COLGALT2: variants seen among roughly 807,000 people sequenced by gnomAD.
COLGALT2 encodes collagen beta(1-O)galactosyltransferase 2, also known as procollagen galactosyltransferase 2.
In COLGALT2, 49 loss-of-function variants were observed where a neutral mutation model predicts 73.4. The ratio of observed to expected loss-of-function variants is 0.67; its 90% CI spans 0.53 to 0.85. COLGALT2 has a LOEUF of 0.85. COLGALT2 is among the 40% of genes least tolerant of loss of function. COLGALT2 has a pLI of 0.00. For missense variants in COLGALT2, 722 were observed against 790.2 expected, an observed-to-expected ratio of 0.91 and a Z score of 1.03; for synonymous variants, 295 against 307.6, an observed-to-expected ratio of 0.96 and a Z score of 0.43.
intron 1 of COLGALT2, among the ~76,000 whole-genome samples, chr1:184,033,416 T>C (rs556222039): frequency 6.6e-6 from 1 of 152,348 alleles, no homozygotes; most frequent in East Asian, 1.9e-4. Context: ...TAGTGCAGGT[T>C]TTAGGACACA....
At chr1:183,947,614 T>C (rs1045563354) in intron 8 of COLGALT2, among the ~76,000 whole-genome samples, 3 of 152,154 alleles carry the variant, frequency 2.0e-5, no homozygotes, top group East Asian at 1.9e-4. Context: ...CTTGGAGATA[T>C]AGTTACAGCT....
At chr1:183,969,710 A>T (rs1004632557) in intron 4 of COLGALT2, among the ~76,000 whole-genome samples, 11 of 152,246 alleles carry the variant, frequency 7.2e-5, no homozygotes, top group Admixed American at 7.2e-4. Flanking sequence ...TTATTTCAGC[A>T]TATCTCTAGA....
Position 183,969,415 on chromosome 1 carries a change from C to T in COLGALT2, c.686G>A (p.Cys229Tyr). The T allele has an allele frequency of 1.2e-6, 2 of 1,613,772 alleles. No individual in the cohort carries two copies. Among genetic ancestry groups the T allele is most frequent in the South Asian group, 2.2e-5 (2 of 91,016 alleles). ...GGAGTGGACCATGGGGACGGGGAAG[C>T]AGCCTGTCCTCTTCCATTCTCGAAT... ...VQIREWKRTG[C>Y]FPVPMVHSTF... Residue 229 changes from cysteine to tyrosine, a missense_variant, in exon 5 of 12, where the codon TGC (cysteine) becomes TAC (tyrosine). By Grantham distance (194) the Cys-to-Tyr change is radical. Transcript: ENST00000361927.
chr1:183,983,235 C>A (rs1671399251), intron 1 of COLGALT2, among the ~76,000 whole-genome samples: 1 of 152,148 alleles, frequency 6.6e-6, no homozygotes, highest in Admixed American at 6.5e-5. Context: ...CTTTGAAGTG[C>A]AGGGCCAATC....
In COLGALT2 at chr1:183,937,076, G is replaced by C; in HGVS notation, c.*1685C>G. On this transcript the variant is annotated 3_prime_UTR_variant, in exon 12 of 12. Transcript: ENST00000361927. ...AGTATCACATGGGCAGTGAACTGAA[G>C]AATTAGGTGTCTGGCTTAAAGTGTA... The C allele has an allele frequency of 8.1e-7, 1 of 1,231,474 alleles. No individual in the cohort carries two copies. 76.3% of individuals were successfully genotyped at this position (1,231,474 alleles called of 1,614,324 possible). A position where few individuals can be genotyped will look rare whatever the true frequency, so the allele number is the denominator to read the frequency against.
chr1:183,984,163 C>T (rs555270347), intron 1 of COLGALT2, among the ~76,000 whole-genome samples: 80 of 152,342 alleles, frequency 5.3e-4, no homozygotes, highest in Middle Eastern at 3.4e-3. Context: ...AATCCCAGCA[C>T]TTTGGGAGGG....
At chr1:183,958,309 C>G (rs1001176312) in intron 6 of COLGALT2, among the ~76,000 whole-genome samples, 1 of 152,142 alleles carries the variant, frequency 6.6e-6, no homozygotes, top group Non-Finnish European at 1.5e-5. Context: ...TCCACTGATG[C>G]CTGATAAAAC....
At chr1:184,015,339 T>A (rs1648964288) in intron 1 of COLGALT2, among the ~76,000 whole-genome samples, 1 of 152,208 alleles carries the variant, frequency 6.6e-6, no homozygotes, top group South Asian at 2.1e-4. Flanking sequence ...CTGGCTACCA[T>A]GACCAGGTGC....
intron 1 of COLGALT2, among the ~76,000 whole-genome samples, chr1:184,010,439 G>A (rs1322426521): frequency 6.6e-6 from 1 of 152,150 alleles, no homozygotes; most frequent in African/African-American, 2.4e-5. Context: ...GGAGAGCTTC[G>A]CTATGGAATC....
chr1:184,001,854 T>C (rs1341440180), intron 1 of COLGALT2, among the ~76,000 whole-genome samples: 1 of 152,234 alleles, frequency 6.6e-6, no homozygotes, highest in African/African-American at 2.4e-5. Context: ...GTCATTATAA[T>C]CTGCAGGTAA....
chr1:183,968,324 T>G (rs1222847426), intron 5 of COLGALT2, among the ~76,000 whole-genome samples: 1 of 152,238 alleles, frequency 6.6e-6, no homozygotes, highest in Non-Finnish European at 1.5e-5. Context: ...GAACTGCTCT[T>G]GTGAATTTTG....
At chr1:183,981,285 T>A (rs1404832963) in intron 1 of COLGALT2, among the ~76,000 whole-genome samples, 1 of 152,122 alleles carries the variant, frequency 6.6e-6, no homozygotes, top group Non-Finnish European at 1.5e-5. Flanking sequence ...GAGGTACACA[T>A]GAAATAATTT....
At chr1:183,977,839 A>AG (rs59696449) in intron 2 of COLGALT2, among the ~76,000 whole-genome samples, 3,340 of 146,002 alleles carry the variant, frequency 0.023, 162 homozygotes, top group African/African-American at 0.084. Flanking sequence ...AGAGAGAAAG[A>AG]AGAGAAGAGA....
Position 183,937,167 on chromosome 1 carries a change from C to G in COLGALT2, c.*1594G>C. On this transcript the variant is annotated 3_prime_UTR_variant, in exon 12 of 12. Transcript: ENST00000361927. Reference sequence around the variant, plus strand: ...CGCCTGTGGACTCTGCTCTGAAGGGCCCTCCCCATGAGTTTAAGTGTGAAG... The same window carrying G: ...CGCCTGTGGACTCTGCTCTGAAGGGGCCTCCCCATGAGTTTAAGTGTGAAG... 1.6e-6 allele frequency: 2 copies of G among 1,227,292 alleles called. No homozygotes were observed. Among genetic ancestry groups the G allele is most frequent in the Non-Finnish European group, 2.0e-6 (2 of 985,754 alleles). 76.0% of individuals were successfully genotyped at this position (1,227,292 alleles called of 1,614,324 possible). A position where few individuals can be genotyped will look rare whatever the true frequency, so the allele number is the denominator to read the frequency against.
intron 1 of COLGALT2, among the ~76,000 whole-genome samples, chr1:184,018,298 G>T (rs1018756648): frequency 6.6e-6 from 1 of 151,970 alleles, no homozygotes; most frequent in African/African-American, 2.4e-5. Context: ...ATATCTGAGA[G>T]ATTTAACTTG....
intron 1 of COLGALT2, among the ~76,000 whole-genome samples, chr1:184,025,367 A>G (rs1214741853): frequency 6.6e-6 from 1 of 152,234 alleles, no homozygotes; most frequent in Non-Finnish European, 1.5e-5. Context: ...CATCAGAAGT[A>G]ACATCAGAAA....
chr1:183,992,327 G>T (rs1022906962), intron 1 of COLGALT2, among the ~76,000 whole-genome samples: 2 of 152,190 alleles, frequency 1.3e-5, no homozygotes, highest in Non-Finnish European at 2.9e-5. Flanking sequence ...CCTTTGGAGT[G>T]AAGTTTAAAA....
intron 10 of COLGALT2, among the ~76,000 whole-genome samples, chr1:183,941,617 T>G (rs936063011): frequency 2.6e-5 from 4 of 152,228 alleles, no homozygotes; most frequent in Non-Finnish European, 5.9e-5. Flanking sequence ...TCCTCTATTT[T>G]GCCCTAAAAC....
At chr1:183,953,117 C>T (rs930490142) in intron 7 of COLGALT2, among the ~76,000 whole-genome samples, 10 of 152,130 alleles carry the variant, frequency 6.6e-5, no homozygotes, top group African/African-American at 2.4e-4. Context: ...AGGACAAGTG[C>T]AATAAAACTG....
Sources: gnomAD v4.1 joint callset for allele counts (sites outside exome capture counted in the v4.1 genomes callset) on GRCh38, gnomAD v4.1.1 for gene constraint, MANE v1.5 for transcripts, NCBI Gene and HGNC (gene_info 2026-07-23, HGNC 2026-07-21) for gene names.